The following BTNL8 variants were observed in gnomAD, a reference collection of about 807,000 sequenced individuals.
BTNL8 encodes the protein butyrophilin-like protein 8.
A neutral mutation model predicts 36.1 loss-of-function variants in BTNL8; 22 were observed. The observed-to-expected ratio is 0.61, with a 90% confidence interval of 0.44 to 0.87. The LOEUF (loss-of-function observed/expected upper bound fraction) is 0.87. Among genes scored for constraint, BTNL8 ranks in the 40% least tolerant of loss-of-function variants. The pLI is 0.00. For missense variants in BTNL8, 526 were observed against 616.9 expected (o/e 0.85, Z 1.56); for synonymous variants, 203 against 235.6 (o/e 0.86, Z 1.27).
intron 3 of BTNL8, 79 bp from the exon 4 acceptor site, chr5:180,947,433 C>T (rs949391745): frequency 6.5e-7 from 1 of 1,531,048 alleles, no homozygotes. Context: ...TTGTGGGGAA[C>T]AAGGTGACTC....
intron 3 of BTNL8, among the ~76,000 whole-genome samples, chr5:180,938,425 GACAA>G (rs1758759965): frequency 6.6e-6 from 1 of 152,116 alleles, no homozygotes; most frequent in Admixed American, 6.5e-5. Context: ...TTGTCAAAAG[GACAA>G]ACAGAGAATT....
rs759481966 is a variant in BTNL8, at chr5:180,950,071, G to T, written c.1030G>T (p.Glu344Ter). ...TTTCCAAGCAGGGAAACATTACTGGGAGGTGGACGGAGGACACAATAAAAG... is the reference window on the plus strand; with the variant it reads ...TTTCCAAGCAGGGAAACATTACTGGTAGGTGGACGGAGGACACAATAAAAG... Reference protein sequence around the residue: ...QSFQAGKHYWEVDGGHNKRWR... With the variant: ...QSFQAGKHYW Residue 344 changes from glutamate to a stop codon, truncating the protein, a stop_gained, in exon 8 of 8, where the codon GAG becomes TAG. Coordinates refer to ENST00000340184, the MANE Select transcript of BTNL8 (RefSeq NM_001040462.3). LOFTEE classifies it low-confidence loss of function (END_TRUNC). The T allele has an allele frequency of 6.8e-7, 1 of 1,462,812 alleles. No individual in the cohort carries two copies. Among genetic ancestry groups the T allele is most frequent in the Non-Finnish European group, 9.4e-7 (1 of 1,058,812 alleles). 90.6% of individuals were successfully genotyped at this position (1,462,812 alleles called of 1,614,324 possible).
chr5:180,921,345 A>G (rs1008810634), intron 3 of BTNL8, among the ~76,000 whole-genome samples: 1 of 152,080 alleles, frequency 6.6e-6, no homozygotes, highest in African/African-American at 2.4e-5. Flanking sequence ...CAACAATAAA[A>G]AAGAGGTAAT....
At chr5:180,920,117 A>G (rs1757797956) in intron 3 of BTNL8, among the ~76,000 whole-genome samples, 1 of 152,170 alleles carries the variant, frequency 6.6e-6, no homozygotes, top group Admixed American at 6.5e-5. Flanking sequence ...CCTGATTTCA[A>G]ATTATGTTAT....
chr5:180,908,749 G>A lies in BTNL8; in HGVS notation c.213G>A (p.Lys71=), dbSNP rs1418994395. ...TGGTCCACCTCTACAGGGACGGGAA[G>A]GACCAGCCATTTATGCAGATGCCAC... ...SSVVHLYRDG[K]DQPFMQMPQY... is the part of the protein sequence containing the mutation. Residue 71 remains lysine, a synonymous_variant, in exon 2 of 8, where the codon AAG becomes AAA. Coordinates refer to ENST00000340184, the MANE Select transcript of BTNL8 (RefSeq NM_001040462.3). 2 of 1,614,192 alleles carry A rather than the reference G, an allele frequency of 1.2e-6. No homozygotes were observed. Among genetic ancestry groups the A allele is most frequent in the Non-Finnish European group, 1.7e-6 (2 of 1,180,030 alleles).
chr5:180,946,879 T>C (rs550712933), intron 3 of BTNL8, among the ~76,000 whole-genome samples: 1 of 152,332 alleles, frequency 6.6e-6, no homozygotes, highest in Non-Finnish European at 1.5e-5. Context: ...TTAATATGTA[T>C]GTGATTTGTC....
At chr5:180,902,424 T>C (rs1178310864) in intron 1 of BTNL8, 2 of 1,544,936 alleles carry the variant, frequency 1.3e-6, no homozygotes, top group Non-Finnish European at 1.8e-6. Flanking sequence ...TGCAAGTCAC[T>C]GGCTTTAGAA....
At chr5:180,914,074 C>T (rs903553169) in intron 3 of BTNL8, among the ~76,000 whole-genome samples, 2 of 152,128 alleles carry the variant, frequency 1.3e-5, no homozygotes, top group South Asian at 2.1e-4. Context: ...AATGGTATTG[C>T]GATATGGTTT....
intron 3 of BTNL8, among the ~76,000 whole-genome samples, chr5:180,939,039 G>T (rs1272761904): frequency 2.6e-5 from 4 of 152,036 alleles, no homozygotes; most frequent in Admixed American, 6.6e-5. Flanking sequence ...TGGAAGAATA[G>T]ATATGAAAAT....
At chr5:180,945,894 T>G (rs1016146312) in intron 3 of BTNL8, 2 of 349,336 alleles carry the variant, frequency 5.7e-6, no homozygotes, top group African/African-American at 4.1e-5. Context: ...ATATGTTTCA[T>G]TAAGTTGAAC....
At chr5:180,934,051 C>A (rs1388310633) in intron 3 of BTNL8, among the ~76,000 whole-genome samples, 1 of 152,004 alleles carries the variant, frequency 6.6e-6, no homozygotes, top group East Asian at 1.9e-4. Context: ...CCACCAAATA[C>A]TAGTAAACCA....
chr5:180,904,788 T>G (rs1757005415), intron 1 of BTNL8, among the ~76,000 whole-genome samples: 2 of 151,490 alleles, frequency 1.3e-5, no homozygotes, highest in African/African-American at 4.9e-5. Flanking sequence ...GATAATCATG[T>G]GGTTTTTGTC....
chr5:180,918,779 A>T (rs891986818), intron 3 of BTNL8, among the ~76,000 whole-genome samples: 1 of 152,206 alleles, frequency 6.6e-6, no homozygotes, highest in African/African-American at 2.4e-5. Context: ...GCTTCCAAGT[A>T]ATAGGTAGAT....
chr5:180,917,956 G>C (rs911051780), intron 3 of BTNL8, among the ~76,000 whole-genome samples: 3 of 151,282 alleles, frequency 2.0e-5, no homozygotes, highest in Admixed American at 2.0e-4. Flanking sequence ...GTGAACCCGG[G>C]AGGTGGAGCT....
At chr5:180,939,834 T>A (rs906268743) in intron 3 of BTNL8, among the ~76,000 whole-genome samples, 1 of 152,238 alleles carries the variant, frequency 6.6e-6, no homozygotes, top group African/African-American at 2.4e-5. Context: ...ATACATTTTA[T>A]GTTAGGCCAC....
rs999837864 is a variant in BTNL8, at chr5:180,929,559, A to C, written c.673+17945A>C. Among the ~76,000 whole-genome samples the C allele has an allele frequency of 5.3e-5, 8 of 149,814 alleles. No homozygotes were observed. The South Asian group carries it at 1.3e-3, about 24-fold the overall frequency. On this transcript the variant is annotated intron_variant, in intron 3 of 7. Transcript: ENST00000340184. ...TTGAAAAGATTAACAAAATAGATAG[A>C]CCGTTAGTGAGACTAATAAAGAAGA...
At chr5:180,914,006 A>G (rs1378006696) in intron 3 of BTNL8, among the ~76,000 whole-genome samples, 1 of 152,250 alleles carries the variant, frequency 6.6e-6, no homozygotes, top group Non-Finnish European at 1.5e-5. Flanking sequence ...CACACAGACC[A>G]TAAATTAACT....
At chr5:180,929,859 A>G (rs1758286857) in intron 3 of BTNL8, among the ~76,000 whole-genome samples, 1 of 152,216 alleles carries the variant, frequency 6.6e-6, no homozygotes, top group Admixed American at 6.5e-5. Flanking sequence ...GACAAGATGG[A>G]TTCACAGCTG....
intron 3 of BTNL8, among the ~76,000 whole-genome samples, chr5:180,938,818 G>A (rs755441262): frequency 2.6e-5 from 4 of 151,940 alleles, no homozygotes; most frequent in Non-Finnish European, 5.9e-5. Flanking sequence ...TGTTCAAAGT[G>A]CTGGAAGGGA....
Sources: allele counts gnomAD v4.1 joint callset (sites outside exome capture counted in the v4.1 genomes callset), GRCh38; gene constraint gnomAD v4.1.1; transcripts MANE v1.5; gene names NCBI Gene and HGNC (gene_info 2026-07-23, HGNC 2026-07-21).